The following FRMD6 variants were observed in gnomAD, a reference collection of about 807,000 sequenced individuals.
The protein encoded by FRMD6 is FERM domain containing 6, also known as FERM domain-containing protein 6.
A neutral mutation model predicts 73.2 loss-of-function variants in FRMD6; 37 were observed. The observed-to-expected ratio is 0.51, with a 90% CI of 0.39 to 0.66. The LOEUF (loss-of-function observed/expected upper bound fraction) is 0.66. Among genes scored for constraint, FRMD6 ranks in the 30% least tolerant of loss-of-function variants. The pLI is 0.00. For missense variants in FRMD6, 714 were observed against 780.5 expected (o/e 0.91, Z 1.02); for synonymous variants, 273 against 282.2 (o/e 0.97, Z 0.33).
chr14:51,418,069 T>C, the FRMD6 span, among the ~76,000 whole-genome samples: 1 of 152,116 alleles, frequency 6.6e-6, no homozygotes, highest in South Asian at 2.1e-4. Context: ...TTTTTCAAGG[T>C]TTTTAGCTTC....
chr14:51,676,861 CT>C (rs1472526115), intron 1 of FRMD6, among the ~76,000 whole-genome samples: 1 of 152,162 alleles, frequency 6.6e-6, no homozygotes, highest in African/African-American at 2.4e-5. Context: ...ATACCTTTGC[CT>C]TTCTTTAGTT....
At chr14:51,482,385 A>G in the FRMD6 span, among the ~76,000 whole-genome samples, 7 of 152,208 alleles carry the variant, frequency 4.6e-5, no homozygotes, top group African/African-American at 9.6e-5. Context: ...TCCAGCGCCA[A>G]TGAAGAGGCT....
At chr14:51,428,328 C>A in the FRMD6 span, among the ~76,000 whole-genome samples, 1 of 152,130 alleles carries the variant, frequency 6.6e-6, no homozygotes, top group Non-Finnish European at 1.5e-5. Context: ...GTCACGTGCC[C>A]AACTATTTCA....
chr14:51,592,495 A>G lies in FRMD6; in HGVS notation c.-147+22085A>G, dbSNP rs193109564. 2.2e-4 allele frequency among the ~76,000 whole-genome samples: 34 copies of G among 152,360 alleles called. No homozygotes were observed. The East Asian group carries it at 5.4e-3, about 24-fold the overall frequency. ...TAAATATTCTAACCTATCTCTCAAA[A>G]ACTTGCCAGCAGTTGCTGAAAAAAT... On this transcript the variant is annotated intron_variant, in intron 2 of 14. Coordinates refer to the FRMD6 transcript ENST00000356218.
chr14:51,623,916 A>G (rs1891024433), intron 2 of FRMD6, among the ~76,000 whole-genome samples: 1 of 152,206 alleles, frequency 6.6e-6, no homozygotes, highest in Admixed American at 6.5e-5. Context: ...CTGGAAATAG[A>G]GTCAAAGAAT....
chr14:51,485,696 CTTTG>C (rs1332976110), upstream of FRMD6, among the ~76,000 whole-genome samples: 2 of 152,168 alleles, frequency 1.3e-5, no homozygotes, highest in African/African-American at 4.8e-5. Context: ...TCACGCCATC[CTTTG>C]TTTGGTGGTG....
the FRMD6 span, among the ~76,000 whole-genome samples, chr14:51,441,040 A>C: frequency 6.6e-5 from 10 of 152,208 alleles, no homozygotes; most frequent in African/African-American, 2.4e-4. Context: ...TGGCAAATAA[A>C]AATATCTTCA....
chr14:51,424,343 T>G, the FRMD6 span, among the ~76,000 whole-genome samples: 1 of 152,204 alleles, frequency 6.6e-6, no homozygotes, highest in Non-Finnish European at 1.5e-5. Flanking sequence ...AAGCATTTAC[T>G]GAAACTGTTT....
upstream of FRMD6, among the ~76,000 whole-genome samples, chr14:51,488,949 G>T (rs1455798786): frequency 2.0e-5 from 3 of 152,206 alleles, no homozygotes; most frequent in Non-Finnish European, 4.4e-5. Context: ...GGGTGGGTAT[G>T]TTGCCCTCCC....
At chr14:51,444,357 C>T in the FRMD6 span, among the ~76,000 whole-genome samples, 5 of 152,202 alleles carry the variant, frequency 3.3e-5, no homozygotes, top group Non-Finnish European at 7.3e-5. Flanking sequence ...TGAGGACTAC[C>T]TGGGTCTGGG....
chr14:51,605,528 T>C (rs949512249), intron 2 of FRMD6, among the ~76,000 whole-genome samples: 4 of 152,166 alleles, frequency 2.6e-5, no homozygotes, highest in Non-Finnish European at 5.9e-5. Flanking sequence ...CCTATAATTA[T>C]GTTGCTTATG....
chr14:51,641,522 G>A (rs953313937), intron 2 of FRMD6, among the ~76,000 whole-genome samples: 2 of 152,116 alleles, frequency 1.3e-5, no homozygotes, highest in Non-Finnish European at 2.9e-5. Context: ...TGAACGTCTT[G>A]GGGCTGTGGG....
At chr14:51,688,110 A>G (rs1312939994) in intron 1 of FRMD6, among the ~76,000 whole-genome samples, 2 of 150,850 alleles carry the variant, frequency 1.3e-5, no homozygotes, top group Non-Finnish European at 3.0e-5. Flanking sequence ...AAGGAAAAGC[A>G]TGCGTGTTTT....
chr14:51,631,068 T>C (rs142990651), intron 2 of FRMD6, among the ~76,000 whole-genome samples: 3 of 152,260 alleles, frequency 2.0e-5, no homozygotes, highest in African/African-American at 7.2e-5. Flanking sequence ...TCTGAGTACT[T>C]GCCCAGATAG....
rs17124011 is a variant in FRMD6, at chr14:51,495,445, G to T, written c.-210+6025G>T. On this transcript the variant is annotated intron_variant, in intron 1 of 14. Transcript: ENST00000356218. ...GCAGGGGAGTATGGCCTCCAAAGAAGAAATCACTGAGTCAAATAGAATGAC... is the reference window on the plus strand; with the variant it reads ...GCAGGGGAGTATGGCCTCCAAAGAATAAATCACTGAGTCAAATAGAATGAC... Among the ~76,000 whole-genome samples the T allele has an allele frequency of 3.8e-3, 572 of 152,290 alleles. 12 individuals are homozygous for T. The East Asian group carries it at 0.067, about 18-fold the overall frequency.
chr14:51,482,874 G>A, the FRMD6 span, among the ~76,000 whole-genome samples: 5 of 151,940 alleles, frequency 3.3e-5, no homozygotes, highest in Non-Finnish European at 5.9e-5. Context: ...CGAATTTTTT[G>A]TATTTTTAGT....
chr14:51,477,698 CT>C, the FRMD6 span, among the ~76,000 whole-genome samples: 2 of 149,000 alleles, frequency 1.3e-5, no homozygotes, highest in South Asian at 4.3e-4. Context: ...AGCTAGTGTT[CT>C]TTTCTTTTTC....
At chr14:51,436,741 C>T in the FRMD6 span, 148 of 527,686 alleles carry the variant, frequency 2.8e-4, no homozygotes, top group Middle Eastern at 6.2e-4. Flanking sequence ...ACTTGGTTTC[C>T]GATATGGATG....
At chr14:51,639,700 C>T (rs1891735187) in intron 2 of FRMD6, among the ~76,000 whole-genome samples, 1 of 152,286 alleles carries the variant, frequency 6.6e-6, no homozygotes, top group Admixed American at 6.5e-5. Context: ...CCCTTTTGAA[C>T]TTGTCGTTCA....
Sources: gnomAD v4.1 joint callset for allele counts (sites outside exome capture counted in the v4.1 genomes callset) on GRCh38, gnomAD v4.1.1 for gene constraint, MANE v1.5 for transcripts, NCBI Gene and HGNC (gene_info 2026-07-23, HGNC 2026-07-21) for gene names.